Variants in EBF3 observed in about 807,000 individuals in gnomAD.
EBF3 encodes the protein EBF transcription factor 3.
EBF3 carries 18 observed loss-of-function variants against 77.1 expected under a neutral mutation model. That is an observed-to-expected ratio of 0.23 (90% confidence interval 0.16 to 0.35). EBF3 has a LOEUF of 0.35. Among genes scored for constraint, EBF3 ranks in the 10% least tolerant of loss-of-function variants. The pLI is 1.00. For synonymous variants in EBF3, 350 were observed against 343.5 expected (o/e 1.02, Z -0.21); for missense variants, 558 against 860.0 (o/e 0.65, Z 4.39).
intron 15 of EBF3, 79 bp from the exon 16 acceptor site, chr10:129,839,274 G>T: frequency 1.5e-6 from 1 of 653,682 alleles, no homozygotes; most frequent in African/African-American, 1.9e-5. Context: ...TTGAGTCACT[G>T]GGAGGAGCAT....
chr10:129,905,854 A>C (rs966661902), intron 6 of EBF3, among the ~76,000 whole-genome samples: 1 of 152,212 alleles, frequency 6.6e-6, no homozygotes, highest in Non-Finnish European at 1.5e-5. Flanking sequence ...CATTTGTTTC[A>C]TTAATGCAAC....
chr10:129,854,013 G>C (rs7096878), intron 10 of EBF3, among the ~76,000 whole-genome samples: 4,458 of 152,218 alleles, frequency 0.029, 85 homozygotes, highest in East Asian at 0.069. Context: ...TGTATAAAAA[G>C]TTGCATTAAA....
intron 6 of EBF3, among the ~76,000 whole-genome samples, chr10:129,925,550 C>T (rs1856609314): frequency 1.3e-5 from 2 of 148,586 alleles, no homozygotes; most frequent in Admixed American, 6.8e-5. Context: ...CAAGATCGTA[C>T]CACTGCACTC....
chr10:129,917,723 C>T (rs575423320), intron 6 of EBF3, among the ~76,000 whole-genome samples: 1 of 139,942 alleles, frequency 7.1e-6, no homozygotes, highest in Non-Finnish European at 1.5e-5. Context: ...TGGGATTTTA[C>T]CAAAAGATTT....
chr10:129,943,529 C>T lies in EBF3; in HGVS notation c.554+13729G>A, dbSNP rs1274865310. Among the ~76,000 whole-genome samples, 1 of 152,168 alleles carries T rather than the reference C, an allele frequency of 6.6e-6. No individual in the cohort carries two copies. Among genetic ancestry groups the T allele is most frequent in the African/African-American group, 2.4e-5 (1 of 41,432 alleles). On this transcript the variant is annotated intron_variant, in intron 6 of 16. Coordinates refer to ENST00000440978, the MANE Select transcript of EBF3 (RefSeq NM_001375380.1). This position sits in a 1 kb window ranked among gnomAD's most constrained non-coding sequence, Gnocchi z 8.8. ...GATTGGATAATTTCTTTCAGCTGGACCTGGCCTCCAGCGCACTTGGATGCT... is the reference window on the plus strand; with the variant it reads ...GATTGGATAATTTCTTTCAGCTGGATCTGGCCTCCAGCGCACTTGGATGCT...
At chr10:129,883,523 A>G (rs547483760) in intron 6 of EBF3, among the ~76,000 whole-genome samples, 157 of 152,336 alleles carry the variant, frequency 1.0e-3, no homozygotes, top group African/African-American at 3.2e-3. Context: ...ACAACAGTGG[A>G]TGGGCCTGCA....
intron 6 of EBF3, among the ~76,000 whole-genome samples, chr10:129,895,252 C>T (rs1314170026): frequency 6.6e-6 from 1 of 152,224 alleles, no homozygotes; most frequent in Non-Finnish European, 1.5e-5. Context: ...TTTGGGAAGC[C>T]ACCTGGCTGC....
intron 12 of EBF3, 110 bp downstream of exon 12, chr10:129,843,027 C>T (rs1850195631): frequency 4.8e-6 from 5 of 1,048,682 alleles, no homozygotes; most frequent in South Asian, 4.5e-5. Flanking sequence ...CCTGTGGAGT[C>T]GCTGGAAAAG....
At position 129,841,780 on chromosome 10, in the gene EBF3, G is replaced by GAA. The variant is rs1850078224; in HGVS notation, c.1372+335_1372+336insTT. The stretch of plus-strand genomic sequence containing the variant: ...CAAGCAGGCTCCCCTCAGCTCCCTA[G>GAA]GCCATGGCTATCCTATGGCTTAGCC... On this transcript the variant is annotated intron_variant, in intron 13 of 16. Coordinates refer to ENST00000440978, the MANE Select transcript of EBF3 (RefSeq NM_001375380.1). This position sits in a 1 kb window ranked among gnomAD's most constrained non-coding sequence, Gnocchi z 4.6. Among the ~76,000 whole-genome samples, 4 of 152,242 alleles carry GAA rather than the reference G, an allele frequency of 2.6e-5. No homozygotes were observed. The South Asian group carries it at 8.3e-4, about 32-fold the overall frequency.
rs1448731447 is a variant in EBF3, at chr10:129,947,273, G to C, written c.554+9985C>G. Among the ~76,000 whole-genome samples the C allele has an allele frequency of 6.6e-6, 1 of 152,216 alleles. No individual in the cohort carries two copies. The highest frequency in any genetic ancestry group is 1.5e-5 in the Non-Finnish European group (1 of 68,044). On this transcript the variant is annotated intron_variant, in intron 6 of 16. Coordinates refer to ENST00000440978, the MANE Select transcript of EBF3 (RefSeq NM_001375380.1). The surrounding 1 kb of genome is among the most constrained non-coding windows in gnomAD (Gnocchi z 4.5). ...CTAATGGGAAACAAATGCTGTGGGT[G>C]TGAATTCATACTTAACCATAAAAAC... is the stretch of plus-strand genomic sequence containing the variant.
intron 6 of EBF3, among the ~76,000 whole-genome samples, chr10:129,939,415 C>T (rs1442734783): frequency 6.6e-6 from 1 of 152,262 alleles, no homozygotes; most frequent in African/African-American, 2.4e-5. Flanking sequence ...CCAACAATCA[C>T]ATTAAAAGTT....
intron 6 of EBF3, among the ~76,000 whole-genome samples, chr10:129,900,947 C>A (rs1854736313): frequency 6.6e-6 from 1 of 152,212 alleles, no homozygotes. Context: ...GAGCCAAGTT[C>A]AGGGACTTGG....
At chr10:129,858,530 G>A (rs576346153) in intron 10 of EBF3, among the ~76,000 whole-genome samples, 3 of 152,282 alleles carry the variant, frequency 2.0e-5, no homozygotes, top group Admixed American at 6.5e-5. Flanking sequence ...TGGGTCTTCC[G>A]AACTAGGGCT....
In EBF3 at chr10:129,861,889, G is replaced by A. The variant is rs1006269666; in HGVS notation, c.1039+5252C>T. ...CCAAGTAATTTGTTTGAGGAGCACC[G>A]GCCTGGGAGACAGCAAGCTGGGGCT... is the stretch of plus-strand genomic sequence containing the variant. On this transcript the variant is annotated intron_variant, in intron 10 of 16. Coordinates refer to ENST00000440978, the MANE Select transcript of EBF3 (RefSeq NM_001375380.1). The surrounding 1 kb of genome is among the most constrained non-coding windows in gnomAD (Gnocchi z 4.3). Among the ~76,000 whole-genome samples the A allele has an allele frequency of 6.6e-6, 1 of 152,192 alleles. No homozygotes were observed. Among genetic ancestry groups the A allele is most frequent in the East Asian group, 1.9e-4 (1 of 5,200 alleles).
At chr10:129,915,462 GCA>G (rs3041735) in intron 6 of EBF3, among the ~76,000 whole-genome samples, 113 of 139,636 alleles carry the variant, frequency 8.1e-4, no homozygotes, top group South Asian at 1.9e-3. Context: ...GCGCACACAT[GCA>G]CACACACACA....
chr10:129,941,662 CA>C (rs1857749753), intron 6 of EBF3, among the ~76,000 whole-genome samples: 1 of 152,224 alleles, frequency 6.6e-6, no homozygotes, highest in Admixed American at 6.5e-5. Context: ...ATGGCCAGGG[CA>C]GTGAGCAGCG....
At chr10:129,851,645 G>A (rs1045842951) in intron 10 of EBF3, among the ~76,000 whole-genome samples, 1 of 152,176 alleles carries the variant, frequency 6.6e-6, no homozygotes, top group Admixed American at 6.5e-5. Context: ...AATCCCCCCA[G>A]AAGTAATTAG....
chr10:129,925,591 C>CA (rs11368338), intron 6 of EBF3, among the ~76,000 whole-genome samples: 76 of 114,560 alleles, frequency 6.6e-4, no homozygotes, highest in South Asian at 2.9e-3. Context: ...GACTCCATCT[C>CA]AAAAAAAAAA....
At chr10:129,920,078 AGT>A (rs1856172741) in intron 6 of EBF3, among the ~76,000 whole-genome samples, 1 of 82,024 alleles carries the variant, frequency 1.2e-5, no homozygotes, top group African/African-American at 4.7e-5. Context: ...GTCTAGGGCG[AGT>A]ATCTCCAGGA....
Sources: allele counts gnomAD v4.1 joint callset (sites outside exome capture counted in the v4.1 genomes callset), GRCh38; gene constraint gnomAD v4.1.1; non-coding constraint Gnocchi (gnomAD v3.1); transcripts MANE v1.5; gene names NCBI Gene and HGNC (gene_info 2026-07-23, HGNC 2026-07-21).